GNB1: variants seen among roughly 807,000 people sequenced by gnomAD.
GNB1 encodes the protein G protein subunit beta 1, also known as guanine nucleotide-binding protein G(I)/G(S)/G(T) subunit beta-1.
GNB1 carries 2 observed loss-of-function variants against 42.9 expected under a neutral mutation model. That is an observed-to-expected ratio of 0.05 (90% confidence interval 0.02 to 0.15). The LOEUF is 0.15. GNB1 is among the 10% of genes least tolerant of loss of function. GNB1 has a pLI of 1.00. For synonymous variants in GNB1, 183 were observed against 174.7 expected (o/e 1.05, Z -0.38); for missense variants, 193 against 462.2 (o/e 0.42, Z 5.34).
At chr1:1,876,716 T>G (rs554348306) in intron 1 of GNB1, among the ~76,000 whole-genome samples, 154 of 152,294 alleles carry the variant, frequency 1.0e-3, no homozygotes, top group Admixed American at 8.8e-3. Context: ...CCATCAGTAG[T>G]AGCGGTACTG....
At chr1:1,845,600 A>AAATAAT (rs773319374) in intron 1 of GNB1, among the ~76,000 whole-genome samples, 1 of 151,790 alleles carries the variant, frequency 6.6e-6, no homozygotes, top group Admixed American at 6.6e-5. Context: ...AATAAAATAA[A>AAATAAT]AATAATAATA....
At chr1:1,859,378 T>C (rs1648484640) in intron 1 of GNB1, among the ~76,000 whole-genome samples, 1 of 151,844 alleles carries the variant, frequency 6.6e-6, no homozygotes, top group Non-Finnish European at 1.5e-5. Flanking sequence ...AGTTAAACTG[T>C]TTAGATGGAA....
intron 1 of GNB1, among the ~76,000 whole-genome samples, chr1:1,846,660 C>T (rs376921511): frequency 1.8e-4 from 28 of 152,254 alleles, no homozygotes; most frequent in African/African-American, 6.5e-4. Context: ...CTAGGCACAG[C>T]CATCCTCTTG....
intron 1 of GNB1, among the ~76,000 whole-genome samples, chr1:1,852,518 C>T (rs1047445863): frequency 1.4e-4 from 22 of 151,974 alleles, no homozygotes; most frequent in Non-Finnish European, 2.5e-4. Flanking sequence ...GCTCGAGCCA[C>T]GGCGCCCGGC....
intron 5 of GNB1, among the ~76,000 whole-genome samples, chr1:1,812,102 T>C (rs553060100): frequency 3.8e-4 from 58 of 151,920 alleles, no homozygotes; most frequent in African/African-American, 1.4e-3. Flanking sequence ...ATTCATAAAT[T>C]ATAGCTTTAA....
Position 1,791,445 on chromosome 1 carries a change from G to A in GNB1, c.498-849C>T, listed in dbSNP as rs188825689. Among the ~76,000 whole-genome samples the A allele has an allele frequency of 4.0e-3, 606 of 152,290 alleles. 5 individuals are homozygous for A. Among genetic ancestry groups the A allele is most frequent in the Admixed American group, 8.7e-3 (133 of 15,288 alleles). On this transcript the variant is annotated intron_variant, in intron 8 of 11. Coordinates refer to ENST00000378609, the MANE Select transcript of GNB1 (RefSeq NM_002074.5). ...CCGCCTCGGCCTCCCAAAGTGCTGGGATTACAGGCATGAGCCACCGCGCCC... is the reference window on the plus strand; with the variant it reads ...CCGCCTCGGCCTCCCAAAGTGCTGGAATTACAGGCATGAGCCACCGCGCCC...
rs761389908 is a variant in GNB1 at position 1,787,330 on chromosome 1, G to C, written c.*1C>G. 6.4e-7 allele frequency: 1 copy of C among 1,568,000 alleles called. No homozygotes were observed. The highest frequency in any genetic ancestry group is 8.8e-7 in the Non-Finnish European group (1 of 1,138,610). On this transcript the variant is annotated 3_prime_UTR_variant, in exon 11 of 12. Transcript: ENST00000378609. The surrounding 1 kb of genome is among the most constrained non-coding windows in gnomAD (Gnocchi z 4.4). ...TTGGGCTGCTGCATTACCTACTGGC[G>C]TTAGTTCCAGATCTTGAGGAAGCTA...
chr1:1,871,640 C>A (rs1411063132), intron 1 of GNB1, among the ~76,000 whole-genome samples: 1 of 152,200 alleles, frequency 6.6e-6, no homozygotes, highest in African/African-American at 2.4e-5. Flanking sequence ...GGACTCCAGG[C>A]CAACAGGCTG....
At chr1:1,871,417 G>T (rs568363839) in intron 1 of GNB1, among the ~76,000 whole-genome samples, 1 of 152,100 alleles carries the variant, frequency 6.6e-6, no homozygotes, top group Admixed American at 6.5e-5. Context: ...CCCAGATCGC[G>T]CTACTGCACT....
Position 1,890,981 on chromosome 1 carries a change from G to T in GNB1, c.-257C>A, listed in dbSNP as rs1398434906. Reference sequence around the variant, plus strand: ...CCGCCGCGGCGGCTGCTCCACTCCCGGCCCCGCTCCCCACTCGCCGCCCGC... The same window carrying T: ...CCGCCGCGGCGGCTGCTCCACTCCCTGCCCCGCTCCCCACTCGCCGCCCGC... On this transcript the variant is annotated 5_prime_UTR_variant, in exon 1 of 12. Transcript: ENST00000378609. The T allele has an allele frequency of 1.3e-5, 2 of 148,406 alleles. No homozygotes were observed. The highest frequency in any genetic ancestry group is 5.0e-5 in the African/African-American group (2 of 40,322). 9.2% of individuals were successfully genotyped at this position (148,406 alleles called of 1,614,324 possible). A position where few individuals can be genotyped will look rare whatever the true frequency, so the allele number is the denominator to read the frequency against.
At chr1:1,865,507 A>T (rs1648885122) in intron 1 of GNB1, among the ~76,000 whole-genome samples, 1 of 151,950 alleles carries the variant, frequency 6.6e-6, no homozygotes, top group African/African-American at 2.4e-5. Context: ...AATCGCTTGA[A>T]CCCGGGAAGC....
chr1:1,835,806 C>G (rs2101111756), intron 2 of GNB1, among the ~76,000 whole-genome samples: 1 of 151,014 alleles, frequency 6.6e-6, no homozygotes, highest in East Asian at 2.0e-4. Context: ...GGTGCAGTGA[C>G]TCATGACTAT....
At chr1:1,799,615 C>CT (rs1646597431) in intron 7 of GNB1, among the ~76,000 whole-genome samples, 1 of 152,220 alleles carries the variant, frequency 6.6e-6, no homozygotes, top group Admixed American at 6.5e-5. Flanking sequence ...TACCTTCTCA[C>CT]AGAAACAACT....
At chr1:1,840,253 G>A (rs962547314) in intron 1 of GNB1, among the ~76,000 whole-genome samples, 1 of 151,000 alleles carries the variant, frequency 6.6e-6, no homozygotes, top group African/African-American at 2.4e-5. Flanking sequence ...AAAAAGCTAG[G>A]TACCGTGGCT....
At chr1:1,804,666 C>T in intron 6 of GNB1, 85 bp from the exon 7 acceptor site, 1 of 1,044,170 alleles carries the variant, frequency 9.6e-7, no homozygotes, top group East Asian at 2.6e-5. Context: ...CCAACTTTCA[C>T]TGCAAAGGAG....
chr1:1,807,844 A>T (rs1389880376), intron 5 of GNB1, among the ~76,000 whole-genome samples: 1 of 151,588 alleles, frequency 6.6e-6, no homozygotes, highest in Non-Finnish European at 1.5e-5. Context: ...AGTAGCTGGG[A>T]CTACAGGCGC....
At chr1:1,815,899 T>C in intron 4 of GNB1, 37 bp from the exon 5 acceptor site, 1 of 1,248,282 alleles carries the variant, frequency 8.0e-7, no homozygotes. Context: ...TCAACATCTG[T>C]GATTAAACGA....
At position 1,804,545 on chromosome 1, in the gene GNB1, T is replaced by C. The variant is rs1415626456; in HGVS notation, c.304A>G (p.Thr102Ala). 6.2e-7 allele frequency: 1 copy of C among 1,613,238 alleles called. No individual in the cohort carries two copies. Among genetic ancestry groups the C allele is most frequent in the African/African-American group, 1.3e-5 (1 of 74,892 alleles). ...TTCCCAGAAGGGGCATATGCACAGG[T>C]CATGACCCAGGAGGAGCGCAGAGGG... ...AIPLRSSWVMTCAYAPSGNYV... is the reference protein window; with the variant it reads ...AIPLRSSWVMACAYAPSGNYV... The change falls in exon 7 of 12, where the codon ACC becomes GCC. Residue 102 changes from threonine (T) to alanine (A), a missense_variant. Thr to Ala is a moderately conservative substitution (Grantham distance 58, BLOSUM62 0). This residue lies in a region of GNB1 where 150 missense variants were observed against 410.8 expected (regional missense o/e 0.37). Coordinates refer to ENST00000378609, the MANE Select transcript of GNB1 (RefSeq NM_002074.5).
At chr1:1,830,799 G>T (rs116526402) in intron 2 of GNB1, among the ~76,000 whole-genome samples, 1 of 151,868 alleles carries the variant, frequency 6.6e-6, no homozygotes, top group African/African-American at 2.4e-5. Context: ...CTCCTGCCAA[G>T]GCCTCCCAAA....
Sources: allele counts gnomAD v4.1 joint callset (sites outside exome capture counted in the v4.1 genomes callset), GRCh38; gene constraint gnomAD v4.1.1; regional missense constraint gnomAD v4.1.1; non-coding constraint Gnocchi (gnomAD v3.1); transcripts MANE v1.5; gene names NCBI Gene and HGNC (gene_info 2026-07-23, HGNC 2026-07-21).